BMPER: variants seen among roughly 807,000 people sequenced by gnomAD.
BMPER encodes BMP binding endothelial regulator, also known as BMP-binding endothelial regulator protein.
Under a neutral mutation model 87.3 loss-of-function variants are expected in BMPER, and 45 were observed. The observed-to-expected ratio is 0.52, with a 90% CI of 0.41 to 0.66. The LOEUF (loss-of-function observed/expected upper bound fraction) is 0.66. Among genes scored for constraint, BMPER ranks in the 30% least tolerant of loss-of-function variants. BMPER has a pLI of 0.00. For synonymous variants in BMPER, 326 were observed against 316.2 expected (o/e 1.03, Z -0.33); for missense variants, 784 against 867.5 (o/e 0.90, Z 1.21).
intron 13 of BMPER, among the ~76,000 whole-genome samples, chr7:34,113,224 C>G (rs1790026120): frequency 6.6e-6 from 1 of 151,672 alleles, no homozygotes; most frequent in Admixed American, 6.6e-5. Flanking sequence ...TTTGAGAGTT[C>G]TTTTGGTATT....
At chr7:33,925,627 AGT>A (rs916301422) in intron 2 of BMPER, among the ~76,000 whole-genome samples, 4 of 152,234 alleles carry the variant, frequency 2.6e-5, no homozygotes, top group Admixed American at 6.5e-5. Flanking sequence ...AGACTAGCAA[AGT>A]GTGTTAAATA....
chr7:34,074,088 C>G (rs1465899450), intron 11 of BMPER, among the ~76,000 whole-genome samples: 1 of 152,216 alleles, frequency 6.6e-6, no homozygotes, highest in Non-Finnish European at 1.5e-5. Flanking sequence ...AGTTGGTGAG[C>G]TCATGGAATT....
At chr7:33,957,549 G>A (rs150388682) in intron 3 of BMPER, among the ~76,000 whole-genome samples, 86 of 152,104 alleles carry the variant, frequency 5.7e-4, no homozygotes, top group African/African-American at 2.0e-3. Context: ...GAATGTACAC[G>A]TAATAAAACT....
chr7:34,106,314 A>G (rs1198241255), intron 13 of BMPER, among the ~76,000 whole-genome samples: 2 of 152,212 alleles, frequency 1.3e-5, no homozygotes, highest in African/African-American at 4.8e-5. Context: ...GTTTATCCAA[A>G]GTGCACATAT....
chr7:33,944,043 C>A (rs1230117874), intron 3 of BMPER, among the ~76,000 whole-genome samples: 1 of 152,156 alleles, frequency 6.6e-6, no homozygotes, highest in Non-Finnish European at 1.5e-5. Context: ...TCCAGTATTG[C>A]AGAACTTCAG....
chr7:33,985,889 A>G (rs977029788), intron 6 of BMPER, among the ~76,000 whole-genome samples: 2 of 152,134 alleles, frequency 1.3e-5, no homozygotes, highest in African/African-American at 4.8e-5. Context: ...GTGCCATTTG[A>G]CCTTAGTATG....
intron 12 of BMPER, among the ~76,000 whole-genome samples, chr7:34,080,250 G>C (rs1788977831): frequency 6.6e-6 from 1 of 152,042 alleles, no homozygotes; most frequent in Admixed American, 6.6e-5. Flanking sequence ...CACTTTTCAG[G>C]GGCTATAGAG....
chr7:34,046,906 G>A (rs1787985145), intron 7 of BMPER, among the ~76,000 whole-genome samples: 1 of 148,918 alleles, frequency 6.7e-6, no homozygotes, highest in African/African-American at 2.5e-5. Context: ...ATAGGTATTA[G>A]GCACCATGCT....
At chr7:34,132,821 C>T (rs371642113) in intron 13 of BMPER, among the ~76,000 whole-genome samples, 6 of 152,230 alleles carry the variant, frequency 3.9e-5, no homozygotes, top group South Asian at 2.1e-4. Flanking sequence ...TACCCCAAGA[C>T]GTGGCTGAAT....
intron 9 of BMPER, among the ~76,000 whole-genome samples, chr7:34,056,907 C>T (rs746889551): frequency 1.3e-5 from 2 of 152,196 alleles, no homozygotes; most frequent in Non-Finnish European, 1.5e-5. Context: ...TGAGCCACCG[C>T]GCCCGGCTGC....
At chr7:33,905,519 G>T, upstream of BMPER, 2 of 1,319,882 alleles carry the variant, frequency 1.5e-6, no homozygotes, top group Non-Finnish European at 9.9e-7. Context: ...CTCCCGACAC[G>T]CCGGCTGAGA....
chr7:33,994,575 C>T (rs912125252), intron 6 of BMPER, among the ~76,000 whole-genome samples: 27 of 152,196 alleles, frequency 1.8e-4, no homozygotes, highest in African/African-American at 5.3e-4. Flanking sequence ...AGAAATCACC[C>T]GTCTTCTGCG....
chr7:34,072,993 G>T (rs1283778736), intron 11 of BMPER, among the ~76,000 whole-genome samples: 1 of 152,054 alleles, frequency 6.6e-6, no homozygotes. Flanking sequence ...TATTCTGAGA[G>T]CATTCATTAA....
intron 12 of BMPER, among the ~76,000 whole-genome samples, chr7:34,082,265 T>A (rs1789070228): frequency 1.3e-5 from 2 of 151,272 alleles, no homozygotes; most frequent in Non-Finnish European, 2.9e-5. Flanking sequence ...GATGTTTTCA[T>A]CTCATAAGAT....
chr7:33,946,041 G>A (rs1784886708), intron 3 of BMPER, among the ~76,000 whole-genome samples: 1 of 152,108 alleles, frequency 6.6e-6, no homozygotes, highest in South Asian at 2.1e-4. Flanking sequence ...CCCAAGACTG[G>A]GTAACTTATA....
At chr7:34,087,618 A>G (rs1789251224) in intron 13 of BMPER, among the ~76,000 whole-genome samples, 1 of 152,230 alleles carries the variant, frequency 6.6e-6, no homozygotes, top group Non-Finnish European at 1.5e-5. Flanking sequence ...CAATGCCTGC[A>G]CATAGTCAGC....
At chr7:34,029,289 T>C (rs1787463480) in intron 6 of BMPER, among the ~76,000 whole-genome samples, 1 of 152,224 alleles carries the variant, frequency 6.6e-6, no homozygotes, top group Non-Finnish European at 1.5e-5. Context: ...TTCAAACCTC[T>C]CATATTTTTT....
In BMPER at chr7:34,022,461, G is replaced by T. The variant is rs147459869; in HGVS notation, c.577-23845G>T. Reference sequence around the variant, plus strand: ...TGGAGACTTTAAAATATTCGAGACTGCAAAACATTCAAGGAAGAATCTGAA... The same window carrying T: ...TGGAGACTTTAAAATATTCGAGACTTCAAAACATTCAAGGAAGAATCTGAA... On this transcript the variant is annotated intron_variant, in intron 6 of 14. Transcript: ENST00000649409. Among the ~76,000 whole-genome samples, 645 of 152,012 alleles carry T rather than the reference G, an allele frequency of 4.2e-3. 6 individuals are homozygous for T. Among genetic ancestry groups the T allele is most frequent in the African/African-American group, 0.014 (586 of 41,506 alleles).
intron 6 of BMPER, among the ~76,000 whole-genome samples, chr7:34,015,776 G>A (rs900177873): frequency 6.6e-5 from 10 of 152,036 alleles, no homozygotes; most frequent in East Asian, 1.9e-4. Context: ...ATAATGTGGC[G>A]TATTTCCTGA....
Sources: gnomAD v4.1 joint callset for allele counts (sites outside exome capture counted in the v4.1 genomes callset) on GRCh38, gnomAD v4.1.1 for gene constraint, MANE v1.5 for transcripts, NCBI Gene and HGNC (gene_info 2026-07-23, HGNC 2026-07-21) for gene names.